The following PCGF3 variants were observed in gnomAD, a reference collection of about 807,000 sequenced individuals.
The protein encoded by PCGF3 is polycomb group ring finger 3.
In PCGF3, 7 loss-of-function variants were observed where a neutral mutation model predicts 33.1. That is an observed-to-expected ratio of 0.21 (90% CI 0.12 to 0.40). The LOEUF (loss-of-function observed/expected upper bound fraction) is 0.40, where lower values mean the gene tolerates loss of function less well. Among genes scored for constraint, PCGF3 ranks in the 10% least tolerant of loss-of-function variants. PCGF3 has a pLI of 1.00. For missense variants in PCGF3, 211 were observed against 313.3 expected (o/e 0.67, Z 2.46); for synonymous variants, 153 against 121.3 (o/e 1.26, Z -1.72).
At chr4:753,248 A>G (rs940298293) in intron 8 of PCGF3, among the ~76,000 whole-genome samples, 6 of 152,208 alleles carry the variant, frequency 3.9e-5, no homozygotes, top group African/African-American at 1.4e-4. Context: ...TAGTGGTGCA[A>G]TCTCAGCTCC....
At chr4:729,052 A>G (rs1387014757) in intron 1 of PCGF3, among the ~76,000 whole-genome samples, 3 of 134,080 alleles carry the variant, frequency 2.2e-5, no homozygotes, top group Non-Finnish European at 4.6e-5. Flanking sequence ...GTGAGCCGAG[A>G]TTGCACCACT....
At chr4:731,344 G>A (rs1190688930) in intron 3 of PCGF3, 6 of 400,352 alleles carry the variant, frequency 1.5e-5, no homozygotes, top group East Asian at 3.6e-5. Flanking sequence ...GTCTCCTTCC[G>A]TCACTGGTTC....
chr4:764,886 T>G, intron 9 of PCGF3, 98 bp from the exon 10 acceptor site: 1 of 769,968 alleles, frequency 1.3e-6, no homozygotes, highest in African/African-American at 1.7e-5. Flanking sequence ...TCTTGCATGA[T>G]TGGGGAGGGG....
At chr4:751,921 A>C (rs1452358097) in intron 8 of PCGF3, among the ~76,000 whole-genome samples, 2 of 152,370 alleles carry the variant, frequency 1.3e-5, no homozygotes, top group African/African-American at 4.8e-5. Context: ...GTGGGCACTC[A>C]GCCTCAAGGC....
exon 11 of PCGF3, chr4:766,135 C>A (rs191166241): frequency 2.0e-6 from 3 of 1,476,772 alleles, no homozygotes; most frequent in East Asian, 2.3e-5. Flanking sequence ...TGCTCCCGGC[C>A]GCCGCGCTTA....
At chr4:710,443 G>A (rs1006141820) in intron 1 of PCGF3, among the ~76,000 whole-genome samples, 2 of 152,216 alleles carry the variant, frequency 1.3e-5, no homozygotes, top group Non-Finnish European at 2.9e-5. Flanking sequence ...AAAACGGTGA[G>A]CATACGATGG....
chr4:715,520 G>A (rs1334826079), intron 1 of PCGF3, among the ~76,000 whole-genome samples: 5 of 143,366 alleles, frequency 3.5e-5, no homozygotes, highest in Non-Finnish European at 7.6e-5. Context: ...ACTGGGCGTC[G>A]GTGCTGGGAC....
At chr4:762,541 G>A (rs1366764782) in intron 9 of PCGF3, 1 of 152,306 alleles carries the variant, frequency 6.6e-6, no homozygotes, top group Non-Finnish European at 1.5e-5. Context: ...TGCTGTGAAA[G>A]GACTGGCCAG....
chr4:734,567 G>C (rs917873418), intron 4 of PCGF3: 1 of 1,161,646 alleles, frequency 8.6e-7, no homozygotes, highest in Non-Finnish European at 1.1e-6. Context: ...CTAGTTGTAC[G>C]TAGAAGATAC....
intron 1 of PCGF3, among the ~76,000 whole-genome samples, chr4:724,391 AG>A (rs1743240511): frequency 6.6e-6 from 1 of 152,212 alleles, no homozygotes; most frequent in Admixed American, 6.5e-5. Context: ...AGCTCCACGG[AG>A]CACCCTGGTG....
At chr4:761,407 C>G (rs947859226) in exon 9 of PCGF3, 5 of 1,606,450 alleles carry the variant, frequency 3.1e-6, no homozygotes, top group Non-Finnish European at 4.3e-6. Context: ...ACCTTTCATC[C>G]TTTAACGAGG....
chr4:741,120 G>A (rs1744072746), intron 6 of PCGF3, among the ~76,000 whole-genome samples: 1 of 152,224 alleles, frequency 6.6e-6, no homozygotes, highest in Non-Finnish European at 1.5e-5. Flanking sequence ...TGGAGTCACT[G>A]ACTCAACACC....
chr4:729,492 A>C (rs1029124505), intron 1 of PCGF3, among the ~76,000 whole-genome samples: 2 of 152,134 alleles, frequency 1.3e-5, no homozygotes, highest in Non-Finnish European at 2.9e-5. Context: ...GCTCCACGCC[A>C]TGTGTGGTCA....
In PCGF3 at chr4:739,872, T is replaced by C. The variant is rs181506459; in HGVS notation, c.262+2351T>C. Reference sequence around the variant, plus strand: ...GCAAGAGGTTCCGGAGTGCTCCAGATTGACACCCCCAGGGCACGGTGGCCC... The same window carrying C: ...GCAAGAGGTTCCGGAGTGCTCCAGACTGACACCCCCAGGGCACGGTGGCCC... On this transcript the variant is annotated intron_variant, in intron 6 of 10. Transcript: ENST00000362003. Among the ~76,000 whole-genome samples the C allele has an allele frequency of 4.6e-5, 7 of 152,346 alleles. No individual in the cohort carries two copies. The East Asian group carries it at 1.4e-3, about 29-fold the overall frequency.
chr4:765,001 C>T (rs551193542), exon 10 of PCGF3: 78 of 1,613,802 alleles, frequency 4.8e-5, no homozygotes, highest in East Asian at 1.1e-4. Context: ...TTTTATGCAA[C>T]GAGGAGATCC....
chr4:763,209 G>A (rs899920228), intron 9 of PCGF3, among the ~76,000 whole-genome samples: 43 of 152,194 alleles, frequency 2.8e-4, no homozygotes, highest in African/African-American at 8.9e-4. Context: ...TTGCTTTTCT[G>A]TGTAGCGAAA....
At chr4:714,126 A>G (rs1234272980) in intron 1 of PCGF3, among the ~76,000 whole-genome samples, 1 of 152,148 alleles carries the variant, frequency 6.6e-6, no homozygotes. Context: ...ATTTGAGGAC[A>G]CGAGAGAAGG....
intron 5 of PCGF3, among the ~76,000 whole-genome samples, chr4:736,249 T>C (rs1005808241): frequency 6.6e-6 from 1 of 152,140 alleles, no homozygotes; most frequent in Non-Finnish European, 1.5e-5. Context: ...GGTTTCACCA[T>C]GTTGGCCAGG....
intron 1 of PCGF3, among the ~76,000 whole-genome samples, chr4:709,137 A>G (rs1742456141): frequency 6.6e-6 from 1 of 152,222 alleles, no homozygotes; most frequent in Non-Finnish European, 1.5e-5. Context: ...TGGTCATCCC[A>G]GGAACCCTGC....
Sources: gnomAD v4.1 joint callset for allele counts (sites outside exome capture counted in the v4.1 genomes callset) on GRCh38, gnomAD v4.1.1 for gene constraint, MANE v1.5 for transcripts, NCBI Gene and HGNC (gene_info 2026-07-23, HGNC 2026-07-21) for gene names.